Variants in MEI1 observed in about 807,000 individuals in gnomAD.
MEI1 encodes the protein meiosis inhibitor protein 1.
A neutral mutation model predicts 146.2 loss-of-function variants in MEI1; 103 were observed. That is an observed-to-expected ratio of 0.70 (90% confidence interval 0.60 to 0.83). MEI1 has a LOEUF of 0.83. MEI1 is among the 40% of genes least tolerant of loss of function. The pLI is 0.00. For synonymous variants in MEI1, 652 were observed against 628.2 expected (o/e 1.04, Z -0.57); for missense variants, 1,529 against 1,533.0 (o/e 1.00, Z 0.04).
chr22:41,738,040 C>A (rs1487595108), intron 11 of MEI1, among the ~76,000 whole-genome samples: 1 of 152,190 alleles, frequency 6.6e-6, no homozygotes, highest in Non-Finnish European at 1.5e-5. Context: ...ATTGGCTGGG[C>A]ACGGTGGCTC....
chr22:41,724,945 AG>A (rs2071190651), intron 7 of MEI1, among the ~76,000 whole-genome samples: 1 of 151,626 alleles, frequency 6.6e-6, no homozygotes, highest in Admixed American at 6.6e-5. Flanking sequence ...CTGAGACTAC[AG>A]GTGTTCACCA....
At position 41,743,126 on chromosome 22, in the gene MEI1, G is replaced by A; in HGVS notation, c.1378G>A (p.Ala460Thr). ...ACCTGTGCAGTATGGGGAACTGCAG[G>A]CTTTGCTAGAAGCCATGCTAAACCG... ...TPPVQYGELQ[A>T]LLEAMLNRCA... The change falls in exon 12 of 31, where the codon GCT (alanine) becomes ACT (threonine). Residue 460 changes from alanine to threonine, a missense_variant. By Grantham distance (58) the Ala-to-Thr change is moderately conservative. Transcript: ENST00000401548. The A allele has an allele frequency of 1.2e-6, 2 of 1,613,302 alleles. No individual in the cohort carries two copies. Among genetic ancestry groups the A allele is most frequent in the Non-Finnish European group, 1.7e-6 (2 of 1,179,806 alleles).
At chr22:41,785,915 A>T (rs139549) in intron 26 of MEI1, among the ~76,000 whole-genome samples, 12,058 of 103,400 alleles carry the variant, frequency 0.12, 1,489 homozygotes, top group Admixed American at 0.27. Context: ...TTTTTATTTT[A>T]TTTTTTTTTT....
At chr22:41,793,265 C>T (rs1341691703) in intron 26 of MEI1, among the ~76,000 whole-genome samples, 3 of 151,746 alleles carry the variant, frequency 2.0e-5, no homozygotes, top group Non-Finnish European at 4.4e-5. Context: ...CTCCTGACCT[C>T]GTGATCCACC....
rs1211485535 is a variant in MEI1, at chr22:41,732,305, A to G, written c.1157A>G (p.His386Arg). Residue 386 changes from histidine to arginine, a missense_variant, in exon 10 of 31, where the codon CAC becomes CGC. Physicochemically the swap from His to Arg is conservative, Grantham distance 29. Coordinates refer to ENST00000401548, the MANE Select transcript of MEI1 (RefSeq NM_152513.4). ...CTGAAGATGAACAACATAGAGCTGC[A>G]CAAGCAGGGCCTGCTGCTTTTCGCT... is the stretch of plus-strand genomic sequence containing the variant. ...GSLKMNNIEL[H>R]KQGLLLFAEI... 6.2e-7 allele frequency: 1 copy of G among 1,612,718 alleles called. No individual in the cohort carries two copies. Among genetic ancestry groups the G allele is most frequent in the Non-Finnish European group, 8.5e-7 (1 of 1,179,450 alleles).
At chr22:41,785,797 C>G (rs2075950707) in intron 26 of MEI1, among the ~76,000 whole-genome samples, 1 of 150,980 alleles carries the variant, frequency 6.6e-6, no homozygotes, top group South Asian at 2.1e-4. Context: ...CTCCTGACCT[C>G]AGGTGATCCA....
At chr22:41,722,533 A>G (rs1463300738) in intron 6 of MEI1, among the ~76,000 whole-genome samples, 2 of 145,440 alleles carry the variant, frequency 1.4e-5, no homozygotes, top group African/African-American at 2.6e-5. Flanking sequence ...TTATGGTCTA[A>G]TCCTTATTAA....
chr22:41,778,993 C>T (rs1316097027), intron 22 of MEI1, 181 bp downstream of exon 22: 3 of 551,088 alleles, frequency 5.4e-6, no homozygotes, highest in African/African-American at 1.9e-5. Flanking sequence ...TCTGCTTGTT[C>T]TCTGGGAATG....
At position 41,793,873 on chromosome 22, in the gene MEI1, C is replaced by T. The variant is rs763326932; in HGVS notation, c.3390C>T (p.Ala1130=). 3.1e-6 allele frequency: 5 copies of T among 1,612,754 alleles called. No individual in the cohort carries two copies. Among genetic ancestry groups the T allele is most frequent in the Non-Finnish European group, 3.4e-6 (4 of 1,179,658 alleles). Residue 1130 remains alanine (A), a synonymous_variant, in exon 27 of 31, where the codon GCC becomes GCT. Transcript: ENST00000401548. ...AGGCCTGTGTTGGCTGCCTGGAGGC[C>T]TTGCTTGACTACCTGGATGCCCGGA... ...LSQACVGCLE[A]LLDYLDARSP...
chr22:41,722,006 A>C (rs938363383), intron 6 of MEI1: 1 of 147,260 alleles, frequency 6.8e-6, no homozygotes, highest in Non-Finnish European at 1.5e-5. Context: ...GGCGTGAGCC[A>C]CCGCGGCCAG....
At chr22:41,713,059 T>C (rs1231031823) in intron 3 of MEI1, among the ~76,000 whole-genome samples, 1 of 152,092 alleles carries the variant, frequency 6.6e-6, no homozygotes, top group Non-Finnish European at 1.5e-5. Context: ...TCCGCCCATC[T>C]CGGCCTCCCA....
chr22:41,730,424 G>A (rs928658291), intron 8 of MEI1, 97 bp from the exon 9 acceptor site: 61 of 765,374 alleles, frequency 8.0e-5, no homozygotes, highest in Non-Finnish European at 1.1e-4. Context: ...GAAGTAGCAA[G>A]AGTAAGGTGC....
At chr22:41,759,846 A>C (rs2074354793) in intron 18 of MEI1, among the ~76,000 whole-genome samples, 1 of 151,740 alleles carries the variant, frequency 6.6e-6, no homozygotes, top group Admixed American at 6.6e-5. Flanking sequence ...AAGGATATAA[A>C]AATAAAAGGA....
chr22:41,725,151 G>T (rs554151383), intron 7 of MEI1, among the ~76,000 whole-genome samples: 55 of 150,544 alleles, frequency 3.7e-4, no homozygotes, highest in Non-Finnish European at 6.1e-4. Context: ...TCTCGCTGTT[G>T]CCCAGGCTGG....
At chr22:41,721,419 T>C in intron 6 of MEI1, among the ~76,000 whole-genome samples, 1 of 150,584 alleles carries the variant, frequency 6.6e-6, no homozygotes. Flanking sequence ...TATTTTTTTG[T>C]ATTTTTAGTA....
At position 41,759,632 on chromosome 22, in the gene MEI1, A is replaced by AAAAT. The variant is rs202130156; in HGVS notation, c.2120+1127_2120+1130dup. 4.8e-4 allele frequency among the ~76,000 whole-genome samples: 65 copies of AAAAT among 135,678 alleles called. 1 individual carries two copies. In the South Asian group the frequency reaches 8.9e-3, roughly 19 times the overall value. 89.0% of individuals were successfully genotyped at this position (135,678 alleles called of 152,430 possible). ...GCGACAGAGCGAGACTCCGTCTCAA[A>AAAAT]AAATAAATAAATAAATAAATAAATA... On this transcript the variant is annotated intron_variant, in intron 18 of 30. Coordinates refer to ENST00000401548, the MANE Select transcript of MEI1 (RefSeq NM_152513.4).
intron 30 of MEI1, 42 bp from the exon 31 acceptor site, chr22:41,799,212 G>A (rs376709413): frequency 2.0e-5 from 32 of 1,605,506 alleles, no homozygotes; most frequent in Non-Finnish European, 2.6e-5. Context: ...CCCATGGTTG[G>A]CCCCACTTCT....
intron 3 of MEI1, among the ~76,000 whole-genome samples, chr22:41,708,775 A>G (rs2147261280): frequency 6.6e-6 from 1 of 152,370 alleles, no homozygotes; most frequent in East Asian, 1.9e-4. Flanking sequence ...TCTCAGTGGC[A>G]TCACTGGAAA....
chr22:41,702,929 A>G (rs2068823272), intron 1 of MEI1, among the ~76,000 whole-genome samples: 1 of 151,950 alleles, frequency 6.6e-6, no homozygotes, highest in Non-Finnish European at 1.5e-5. Context: ...CATGTTGGCC[A>G]TGCTGGTCTG....
Sources: allele counts gnomAD v4.1 joint callset (sites outside exome capture counted in the v4.1 genomes callset), GRCh38; gene constraint gnomAD v4.1.1; transcripts MANE v1.5; gene names NCBI Gene and HGNC (gene_info 2026-07-23, HGNC 2026-07-21).